The following GLI4 variants were observed in gnomAD, a reference collection of about 807,000 sequenced individuals.
GLI4 encodes the protein GLI family zinc finger 4.
GLI4 carries 34 observed loss-of-function variants against 30.9 expected under a neutral mutation model. The ratio of observed to expected loss-of-function variants is 1.10; its 90% confidence interval spans 0.84 to 1.47. The LOEUF (loss-of-function observed/expected upper bound fraction) is 1.47, where lower values mean the gene tolerates loss of function less well. Among genes scored for constraint, GLI4 ranks in the 40% most tolerant of loss-of-function variants. GLI4 has a pLI of 0.00. For synonymous variants in GLI4, 277 were observed against 236.7 expected (o/e 1.17, Z -1.56); for missense variants, 696 against 538.9 (o/e 1.29, Z -2.89).
chr8:143,271,258 C>T (rs898033088), intron 2 of GLI4, among the ~76,000 whole-genome samples: 1 of 152,016 alleles, frequency 6.6e-6, no homozygotes, highest in Non-Finnish European at 1.5e-5. Context: ...GAGACTGTGG[C>T]AGGAGGAGAT....
intron 1 of GLI4, 133 bp from the exon 2 acceptor site, chr8:143,269,227 C>T (rs1379162762): frequency 2.8e-6 from 2 of 705,392 alleles, no homozygotes; most frequent in South Asian, 3.4e-5. Flanking sequence ...TGGGTTCATC[C>T]TCCATCCTTG....
chr8:143,267,686 C>T (rs576275780), intron 1 of GLI4: 2 of 985,362 alleles, frequency 2.0e-6, no homozygotes, highest in Non-Finnish European at 2.4e-6. Flanking sequence ...GCGGACCGCC[C>T]CGCCCAGCGG....
Position 143,275,925 on chromosome 8 carries a change from A to G in GLI4, c.252A>G (p.Pro84=), listed in dbSNP as rs778208274. The change falls in exon 4 of 4, where the codon CCA becomes CCG. Residue 84 remains proline (P), a synonymous_variant. Coordinates refer to ENST00000340042, the MANE Select transcript of GLI4 (RefSeq NM_138465.4). Reference sequence around the variant, plus strand: ...CCGAGCCCAAGCCGGAGCAGGCTCCACGCTCTCCTGGCTCTCAGGCCCCTG... The same window carrying G: ...CCGAGCCCAAGCCGGAGCAGGCTCCGCGCTCTCCTGGCTCTCAGGCCCCTG... ...PDSEPKPEQA[P]RSPGSQAPDE... 3.8e-6 allele frequency: 5 copies of G among 1,313,184 alleles called. No homozygotes were observed. The East Asian group carries it at 1.2e-4, about 32-fold the overall frequency. 81.3% of individuals were successfully genotyped at this position (1,313,184 alleles called of 1,614,324 possible).
intron 2 of GLI4, among the ~76,000 whole-genome samples, chr8:143,274,060 G>A (rs1815330319): frequency 6.6e-6 from 1 of 152,202 alleles, no homozygotes; most frequent in Non-Finnish European, 1.5e-5. Flanking sequence ...CCAAGTCTTG[G>A]GTGGGAGGGG....
At chr8:143,269,592 C>T in intron 2 of GLI4, 72 bp downstream of exon 2, 2 of 1,293,144 alleles carry the variant, frequency 1.5e-6, no homozygotes, top group Non-Finnish European at 2.2e-6. Context: ...CTGTCTCCTC[C>T]TGACCTGCCA....
chr8:143,275,324 C>T (rs1815360096), intron 3 of GLI4: 3 of 1,434,504 alleles, frequency 2.1e-6, no homozygotes, highest in Admixed American at 5.2e-5. Context: ...CCCTCGCCCA[C>T]ATCTGGGCGG....
chr8:143,275,427 G>T, intron 3 of GLI4: 1 of 1,376,958 alleles, frequency 7.3e-7, no homozygotes. Context: ...GTGGGCATGG[G>T]AGCTGGGCGG....
At chr8:143,268,216 C>A (rs369794460) in intron 1 of GLI4, 1 of 450,280 alleles carries the variant, frequency 2.2e-6, no homozygotes, top group African/African-American at 2.1e-5. Flanking sequence ...GCCCAGAAGC[C>A]GGGCACTGGG....
intron 3 of GLI4, 149 bp from the exon 4 acceptor site, chr8:143,275,748 C>T: frequency 8.1e-7 from 1 of 1,239,566 alleles, no homozygotes; most frequent in Non-Finnish European, 1.0e-6. Flanking sequence ...GAGCCCCTGT[C>T]CGCTTGTCTC....
intron 3 of GLI4, chr8:143,275,097 C>G: frequency 6.5e-7 from 1 of 1,535,758 alleles, no homozygotes; most frequent in Non-Finnish European, 8.7e-7. Context: ...CCTCCCTCCC[C>G]TCCACCTGCC....
intron 2 of GLI4, 47 bp downstream of exon 2, chr8:143,269,567 C>T (rs1470146933): frequency 2.0e-6 from 3 of 1,506,558 alleles, no homozygotes; most frequent in Admixed American, 1.7e-5. Context: ...ATCCCCTGCC[C>T]TCACGTCCCC....
In GLI4 at chr8:143,267,460, G is replaced by C; in HGVS notation, c.-62G>C. ...GGGGCCGGACACTTCCGTCCGGCGC[G>C]CGGCGTCCTCCTCCCGCTCGGAAGG... On this transcript the variant is annotated 5_prime_UTR_variant, in exon 1 of 4. Transcript: ENST00000340042. 1.0e-6 allele frequency: 1 copy of C among 985,346 alleles called. No individual in the cohort carries two copies. Among genetic ancestry groups the C allele is most frequent in the Non-Finnish European group, 1.2e-6 (1 of 829,902 alleles). The allele number at this position is 985,346 out of a possible 1,614,324, so 61.0% of individuals were successfully genotyped here.
At chr8:143,267,941 G>C (rs868121778) in intron 1 of GLI4, 7 of 985,342 alleles carry the variant, frequency 7.1e-6, no homozygotes, top group Admixed American at 6.1e-5. Context: ...CCCCCGAGCC[G>C]CTGGCAGGAG....
intron 2 of GLI4, chr8:143,272,610 C>T (rs975465797): frequency 6.6e-6 from 1 of 152,354 alleles, no homozygotes; most frequent in Non-Finnish European, 1.5e-5. Context: ...GGGTGGGGAG[C>T]AGGGTCTGGG....
chr8:143,276,301 C>T lies in GLI4; in HGVS notation c.628C>T (p.Pro210Ser), dbSNP rs1429901896. 1.9e-6 allele frequency: 3 copies of T among 1,611,794 alleles called. 1 individual carries two copies. The highest frequency in any genetic ancestry group is 8.5e-7 in the Non-Finnish European group (1 of 1,179,486). Residue 210 changes from proline (P) to serine (S), a missense_variant, in exon 4 of 4, where the codon CCC (proline) becomes TCC (serine). Physicochemically the swap from Pro to Ser is moderately conservative, Grantham distance 74. Transcript: ENST00000340042. ...KHQRIHTGEK[P>S]YACHECGKRF... Reference sequence around the variant, plus strand: ...CCAGCGCATCCACACGGGCGAGAAGCCCTACGCCTGCCACGAGTGCGGCAA... The same window carrying T: ...CCAGCGCATCCACACGGGCGAGAAGTCCTACGCCTGCCACGAGTGCGGCAA...
At chr8:143,270,453 C>T (rs918021975) in intron 2 of GLI4, among the ~76,000 whole-genome samples, 17 of 152,322 alleles carry the variant, frequency 1.1e-4, no homozygotes, top group East Asian at 7.7e-4. Flanking sequence ...TGCGGTGTCC[C>T]GAGCAACTCC....
At chr8:143,275,008 C>A in intron 3 of GLI4, 1 of 1,511,824 alleles carries the variant, frequency 6.6e-7, no homozygotes, top group South Asian at 1.2e-5. Flanking sequence ...GAGGCGGTGA[C>A]TGCAGCCCAC....
chr8:143,275,917 C>A lies in GLI4; in HGVS notation c.244C>A (p.Gln82Lys), dbSNP rs1323164127. 3 of 1,301,558 alleles carry A rather than the reference C, an allele frequency of 2.3e-6. No individual in the cohort carries two copies. The highest frequency in any genetic ancestry group is 4.0e-5 in the Admixed American group (1 of 25,044). 80.6% of individuals were successfully genotyped at this position (1,301,558 alleles called of 1,614,324 possible). ...FWPDSEPKPE[Q>K]APRSPGSQAP... ...TTCAGACTCCGAGCCCAAGCCGGAG[C>A]AGGCTCCACGCTCTCCTGGCTCTCA... Residue 82 changes from glutamine to lysine, a missense_variant, in exon 4 of 4, where the codon CAG becomes AAG. Transcript: ENST00000340042.
At chr8:143,271,581 C>A (rs539911918) in intron 2 of GLI4, among the ~76,000 whole-genome samples, 26 of 152,168 alleles carry the variant, frequency 1.7e-4, no homozygotes, top group African/African-American at 6.0e-4. Context: ...GACTTGGAGC[C>A]GCAGCCTCCC....
Sources: allele counts gnomAD v4.1 joint callset (sites outside exome capture counted in the v4.1 genomes callset), GRCh38; gene constraint gnomAD v4.1.1; transcripts MANE v1.5; gene names NCBI Gene and HGNC (gene_info 2026-07-23, HGNC 2026-07-21).